The following SLC44A3 variants were observed in gnomAD, a reference collection of about 807,000 sequenced individuals.
SLC44A3 encodes choline transporter-like protein 3.
In SLC44A3, 74 loss-of-function variants were observed where a neutral mutation model predicts 75.4. The observed-to-expected ratio is 0.98, with a 90% CI of 0.81 to 1.19. The LOEUF is 1.19. SLC44A3 is among the 50% of genes most tolerant of loss of function. The pLI, the probability that SLC44A3 is intolerant of heterozygous loss-of-function variation, is 0.00. For synonymous variants in SLC44A3, 310 were observed against 296.9 expected (o/e 1.04, Z -0.45); for missense variants, 700 against 778.6 (o/e 0.90, Z 1.20).
rs770298313 is a variant in SLC44A3, at chr1:94,837,902, T to A, written c.670+31T>A. The A allele has an allele frequency of 5.2e-5, 80 of 1,545,678 alleles. 1 individual carries two copies. The highest frequency in any genetic ancestry group is 3.4e-4 in the Middle Eastern group (2 of 5,844). On this transcript the variant is annotated intron_variant, in intron 6 of 14. Coordinates refer to ENST00000271227, the MANE Select transcript of SLC44A3 (RefSeq NM_001114106.3). ...TCTCAGTTAAGTTAATTTTAATAGT[T>A]GTTTATGGAATGCCAAAGTTCCTAG...
At chr1:94,860,693 G>T (rs904185315) in intron 10 of SLC44A3, among the ~76,000 whole-genome samples, 1 of 152,196 alleles carries the variant, frequency 6.6e-6, no homozygotes, top group African/African-American at 2.4e-5. Context: ...GTATAGAGTT[G>T]TATACCTATT....
intron 12 of SLC44A3, among the ~76,000 whole-genome samples, chr1:94,887,815 C>T (rs529525188): frequency 2.0e-5 from 3 of 152,164 alleles, no homozygotes; most frequent in East Asian, 1.9e-4. Flanking sequence ...TGCTGTAAGA[C>T]GATGCTGGGG....
At chr1:94,860,264 T>G (rs1415632046) in intron 10 of SLC44A3, among the ~76,000 whole-genome samples, 1 of 152,108 alleles carries the variant, frequency 6.6e-6, no homozygotes, top group African/African-American at 2.4e-5. Flanking sequence ...CTTGAGTAAT[T>G]AAAAGTATGA....
chr1:94,863,854 G>T (rs1212140935), intron 10 of SLC44A3, among the ~76,000 whole-genome samples: 2 of 152,186 alleles, frequency 1.3e-5, no homozygotes, highest in Non-Finnish European at 1.5e-5. Context: ...AACCTAGGCT[G>T]CTGTCAAAAC....
intron 11 of SLC44A3, among the ~76,000 whole-genome samples, chr1:94,865,214 A>T (rs1667018988): frequency 1.3e-5 from 2 of 152,160 alleles, no homozygotes; most frequent in South Asian, 2.1e-4. Context: ...TGAACTCTTA[A>T]GGTGAAATTT....
intron 12 of SLC44A3, among the ~76,000 whole-genome samples, chr1:94,888,893 CTATA>C (rs34513886): frequency 8.9e-5 from 13 of 146,826 alleles, no homozygotes; most frequent in Admixed American, 2.0e-4. Flanking sequence ...CCACGACTGG[CTATA>C]TATATATATA....
intron 12 of SLC44A3, among the ~76,000 whole-genome samples, chr1:94,890,675 C>CT (rs1175927118): frequency 6.6e-6 from 1 of 152,168 alleles, no homozygotes; most frequent in Admixed American, 6.5e-5. Flanking sequence ...CCCTCAAACT[C>CT]TATTGTGCAT....
Position 94,892,475 on chromosome 1 carries a change from T to G in SLC44A3, c.1815T>G (p.Asp605Glu). ...LCFAVDLETN[D>E]GSSEKPYFMD... ...TTGCTGTTGATCTGGAAACAAATGA[T>G]GGATCGTCAGAAAAGCCCTACTTTA... The change falls in exon 14 of 15, where the codon GAT becomes GAG. Residue 605 changes from aspartate (D) to glutamate (E), a missense_variant. Physicochemically the swap from Asp to Glu is conservative, Grantham distance 45. Transcript: ENST00000271227. 6.2e-7 allele frequency: 1 copy of G among 1,614,210 alleles called. No homozygotes were observed. The highest frequency in any genetic ancestry group is 8.5e-7 in the Non-Finnish European group (1 of 1,180,040).
intron 3 of SLC44A3, among the ~76,000 whole-genome samples, chr1:94,826,458 CT>C (rs1661355072): frequency 6.6e-6 from 1 of 152,090 alleles, no homozygotes; most frequent in Non-Finnish European, 1.5e-5. Flanking sequence ...CAAGACCAGC[CT>C]GGCCAACATG....
intron 12 of SLC44A3, among the ~76,000 whole-genome samples, chr1:94,875,327 A>G (rs58750933): frequency 0.053 from 8,126 of 152,332 alleles, 241 homozygotes; most frequent in Middle Eastern, 0.1. Context: ...TCACCAGTCC[A>G]CTAGGGCACT....
At chr1:94,870,083 G>T (rs569210335) in intron 12 of SLC44A3, among the ~76,000 whole-genome samples, 3 of 152,224 alleles carry the variant, frequency 2.0e-5, no homozygotes, top group Non-Finnish European at 4.4e-5. Context: ...CCAGCCTAAG[G>T]CTGCACAGGC....
intron 12 of SLC44A3, among the ~76,000 whole-genome samples, chr1:94,882,059 T>C (rs1156916702): frequency 6.6e-6 from 1 of 152,066 alleles, no homozygotes; most frequent in Non-Finnish European, 1.5e-5. Context: ...TTCTAAAGTC[T>C]GTAAGTCCCA....
At chr1:94,861,995 A>T (rs1302445155) in intron 10 of SLC44A3, among the ~76,000 whole-genome samples, 1 of 152,186 alleles carries the variant, frequency 6.6e-6, no homozygotes, top group East Asian at 1.9e-4. Context: ...GGAGAAGAGG[A>T]AATGGATTCA....
intron 12 of SLC44A3, chr1:94,888,659 A>G (rs1669867861): frequency 2.0e-6 from 2 of 984,100 alleles, no homozygotes; most frequent in Non-Finnish European, 2.4e-6. Flanking sequence ...TTTTTGCAGG[A>G]AATTCATCTG....
chr1:94,894,804 C>G lies in SLC44A3; in HGVS notation c.1858-14C>G. 2 of 1,600,490 alleles carry G rather than the reference C, an allele frequency of 1.2e-6. No homozygotes were observed. The highest frequency in any genetic ancestry group is 1.7e-6 in the Non-Finnish European group (2 of 1,172,388). On this transcript the variant is annotated splice_polypyrimidine_tract_variant and intron_variant, in intron 14 of 14. Transcript: ENST00000271227. ...ACACATAATACTATTCTAACTTGTT[C>G]TTTTGTTTTTCAGAGTTTCGTAAAA...
intron 11 of SLC44A3, among the ~76,000 whole-genome samples, chr1:94,865,563 GC>G (rs1667075934): frequency 6.6e-6 from 1 of 152,132 alleles, no homozygotes; most frequent in African/African-American, 2.4e-5. Context: ...TTATTTCCAT[GC>G]ACATTTGGTT....
intron 12 of SLC44A3, among the ~76,000 whole-genome samples, chr1:94,868,542 T>TG (rs959748385): frequency 1.8e-4 from 27 of 152,138 alleles, no homozygotes; most frequent in East Asian, 5.8e-4. Flanking sequence ...CCTTTCAGAA[T>TG]GGGGGGGAAC....
intron 9 of SLC44A3, among the ~76,000 whole-genome samples, chr1:94,850,502 A>G (rs778418844): frequency 1.3e-5 from 2 of 152,182 alleles, no homozygotes; most frequent in African/African-American, 4.8e-5. Context: ...AGAAGATTTA[A>G]TCACAGGACT....
chr1:94,822,286 A>C (rs1660718852), intron 2 of SLC44A3, among the ~76,000 whole-genome samples: 1 of 152,230 alleles, frequency 6.6e-6, no homozygotes, highest in African/African-American at 2.4e-5. Flanking sequence ...ATTGTGAACC[A>C]GCTGAGAGGT....
Sources: gnomAD v4.1 joint callset for allele counts (sites outside exome capture counted in the v4.1 genomes callset) on GRCh38, gnomAD v4.1.1 for gene constraint, MANE v1.5 for transcripts, NCBI Gene and HGNC (gene_info 2026-07-23, HGNC 2026-07-21) for gene names.